PTDSS1: variants seen among roughly 807,000 people sequenced by gnomAD.
PTDSS1 encodes phosphatidylserine synthase 1.
Under a neutral mutation model 70.5 loss-of-function variants are expected in PTDSS1, and 45 were observed. That is an observed-to-expected ratio of 0.64 (90% CI 0.50 to 0.82). The LOEUF is 0.82. PTDSS1 is among the 40% of genes least tolerant of loss of function. PTDSS1 has a pLI of 0.00. For synonymous variants in PTDSS1, 188 were observed against 203.8 expected, an observed-to-expected ratio of 0.92 and a Z score of 0.66; for missense variants, 417 against 586.1, an observed-to-expected ratio of 0.71 and a Z score of 2.98.
At chr8:96,332,869 G>C (rs532757091) in intron 12 of PTDSS1, among the ~76,000 whole-genome samples, 1 of 152,200 alleles carries the variant, frequency 6.6e-6, no homozygotes, top group South Asian at 2.1e-4. Flanking sequence ...TGGCTTGGCC[G>C]CTAGGCCAGG....
At chr8:96,315,056 A>G (rs1389145539) in intron 9 of PTDSS1, among the ~76,000 whole-genome samples, 2 of 152,182 alleles carry the variant, frequency 1.3e-5, no homozygotes, top group Non-Finnish European at 1.5e-5. Context: ...TGGAAGTTAG[A>G]AAGTTGACAG....
chr8:96,314,465 A>G (rs1586204739), intron 9 of PTDSS1, among the ~76,000 whole-genome samples: 1 of 152,094 alleles, frequency 6.6e-6, no homozygotes, highest in South Asian at 2.1e-4. Flanking sequence ...CAGGGGAGTC[A>G]CCGCCGTCCT....
intron 1 of PTDSS1, among the ~76,000 whole-genome samples, chr8:96,270,564 C>T (rs968274429): frequency 1.3e-5 from 2 of 152,156 alleles, no homozygotes; most frequent in Non-Finnish European, 2.9e-5. Flanking sequence ...ACCCTCTCTG[C>T]TCTCGAAACT....
chr8:96,317,071 G>GTGTATA (rs33916906), intron 9 of PTDSS1, among the ~76,000 whole-genome samples: 8 of 148,618 alleles, frequency 5.4e-5, no homozygotes, highest in Admixed American at 2.7e-4. Flanking sequence ...GTGTGTGTGT[G>GTGTATA]TATATATATA....
intron 7 of PTDSS1, among the ~76,000 whole-genome samples, chr8:96,305,598 C>T (rs1227962110): frequency 6.6e-6 from 1 of 152,248 alleles, no homozygotes; most frequent in African/African-American, 2.4e-5. Flanking sequence ...CTTTTAAGGA[C>T]TGCCTTTGGT....
intron 10 of PTDSS1, among the ~76,000 whole-genome samples, chr8:96,328,259 C>A (rs866417379): frequency 2.0e-5 from 3 of 152,326 alleles, no homozygotes; most frequent in Middle Eastern, 6.8e-3. Flanking sequence ...CTAACCCCCC[C>A]AGTCCGCTGT....
intron 4 of PTDSS1, among the ~76,000 whole-genome samples, chr8:96,293,654 G>T (rs971099810): frequency 6.6e-6 from 1 of 152,226 alleles, no homozygotes. Flanking sequence ...AGACGGATTG[G>T]TCTTTATGAT....
intron 7 of PTDSS1, among the ~76,000 whole-genome samples, chr8:96,304,953 T>C (rs883655): frequency 0.085 from 13,010 of 152,300 alleles, 646 homozygotes; most frequent in African/African-American, 0.13. Flanking sequence ...TTAGGACAGA[T>C]GATCTTCCTT....
Position 96,334,101 on chromosome 8 carries a change from G to A in PTDSS1, c.*535G>A, listed in dbSNP as rs1262991542. ...TTAACAGCCTTTAGAAGCCGCTGCT[G>A]AAATTGATACTGGGGGAAGGGTTCC... is the stretch of plus-strand genomic sequence containing the variant. On this transcript the variant is annotated 3_prime_UTR_variant, in exon 13 of 13. Transcript: ENST00000517309. 2 of 339,354 alleles carry A rather than the reference G, an allele frequency of 5.9e-6. No homozygotes were observed. The highest frequency in any genetic ancestry group is 4.3e-5 in the African/African-American group (2 of 46,828). 21.0% of individuals were successfully genotyped at this position (339,354 alleles called of 1,614,324 possible).
chr8:96,270,261 T>C (rs1034571694), intron 1 of PTDSS1, among the ~76,000 whole-genome samples: 2 of 152,172 alleles, frequency 1.3e-5, no homozygotes, highest in African/African-American at 4.8e-5. Context: ...TAGAATATAG[T>C]GGCTGTCCAT....
At position 96,291,833 on chromosome 8, in the gene PTDSS1, TGCTTCATAG is replaced by T. The variant is rs763436667; in HGVS notation, c.442-3264_442-3256del. On this transcript the variant is annotated intron_variant, in intron 4 of 12. Coordinates refer to ENST00000517309, the MANE Select transcript of PTDSS1 (RefSeq NM_014754.3). Reference sequence around the variant, plus strand: ...TCCAGATCAGTTTTTATAGTGGGACTGCTTCATAGCTGGTGCTGCGTATCACACTAGGAG... The same window carrying T: ...TCCAGATCAGTTTTTATAGTGGGACTCTGGTGCTGCGTATCACACTAGGAG... Among the ~76,000 whole-genome samples, 189 of 152,338 alleles carry T rather than the reference TGCTTCATAG, an allele frequency of 1.2e-3. 1 individual carries two copies. Among genetic ancestry groups the T allele is most frequent in the Non-Finnish European group, 2.3e-3 (156 of 68,038 alleles).
rs1360507760 is a variant in PTDSS1 at position 96,336,243 on chromosome 8, G to A, written c.*2677G>A. 1 of 151,962 alleles carries A rather than the reference G, an allele frequency of 6.6e-6. No homozygotes were observed. Among genetic ancestry groups the A allele is most frequent in the Non-Finnish European group, 1.5e-5 (1 of 68,048 alleles). The allele number at this position is 151,962 out of a possible 1,614,324, so 9.4% of individuals were successfully genotyped here. ...GCTCCTAAGGTGCTCACCCAACCCA[G>A]GAGAAAACAAAATTCATTACCAAAT... On this transcript the variant is annotated 3_prime_UTR_variant, in exon 13 of 13. Transcript: ENST00000517309.
chr8:96,277,123 ATT>A (rs2130021746), intron 2 of PTDSS1, among the ~76,000 whole-genome samples: 2 of 152,364 alleles, frequency 1.3e-5, no homozygotes, highest in South Asian at 4.1e-4. Flanking sequence ...GGATTGGGAC[ATT>A]AGTCAGCAAA....
chr8:96,309,994 C>T (rs555508795), intron 9 of PTDSS1, among the ~76,000 whole-genome samples: 9 of 151,966 alleles, frequency 5.9e-5, no homozygotes, highest in African/African-American at 2.2e-4. Context: ...GAAACCCTGT[C>T]TCTACTAAAA....
rs144997851 is a variant in PTDSS1, at chr8:96,330,237, T to C, written c.1198T>C (p.Tyr400His). The change falls in exon 11 of 13, where the codon TAC becomes CAC. Residue 400 changes from tyrosine to histidine, a missense_variant. Physicochemically the swap from Tyr to His is moderately conservative, Grantham distance 83. Around this residue, in one of 3 missense-constraint regions of PTDSS1, gnomAD observed 107 missense variants for 122.3 expected, o/e 0.88. Transcript: ENST00000517309. ...GGCTTTCACCACTTTCCTCTGTCTGTACGGCATGATTTGGTATGCAGAACA... is the reference window on the plus strand; with the variant it reads ...GGCTTTCACCACTTTCCTCTGTCTGCACGGCATGATTTGGTATGCAGAACA... ...CVAFTTFLCLYGMIWYAEHYG... is the reference protein window; with the variant it reads ...CVAFTTFLCLHGMIWYAEHYG... 4.8e-5 allele frequency: 78 copies of C among 1,613,356 alleles called. No homozygotes were observed. In the African/African-American group the frequency reaches 9.7e-4, roughly 20 times the overall value.
At chr8:96,330,592 TCC>T in intron 11 of PTDSS1, 1 of 423,742 alleles carries the variant, frequency 2.4e-6, no homozygotes, top group Middle Eastern at 6.9e-4. Flanking sequence ...CTGGGTTTTC[TCC>T]CCAGCTCTTG....
At chr8:96,278,961 A>G (rs1239857024) in intron 2 of PTDSS1, among the ~76,000 whole-genome samples, 1 of 144,632 alleles carries the variant, frequency 6.9e-6, no homozygotes, top group Non-Finnish European at 1.5e-5. Context: ...GAGAAACACC[A>G]TTCAGCCCCC....
intron 2 of PTDSS1, 124 bp from the exon 3 acceptor site, chr8:96,283,985 A>C (rs938852143): frequency 1.3e-6 from 1 of 752,252 alleles, no homozygotes; most frequent in African/African-American, 1.8e-5. Flanking sequence ...TAGAAAAAAA[A>C]AAAAAACTTT....
intron 8 of PTDSS1, chr8:96,309,193 G>GTTTTTTTTTT (rs58317308): frequency 1.8e-5 from 1 of 56,872 alleles, no homozygotes; most frequent in Non-Finnish European, 2.9e-5. Context: ...CTTTTTAGTG[G>GTTTTTTTTTT]TTTTTTTTTT....
Sources: allele counts gnomAD v4.1 joint callset (sites outside exome capture counted in the v4.1 genomes callset), GRCh38; gene constraint gnomAD v4.1.1; regional missense constraint gnomAD v4.1.1; transcripts MANE v1.5; gene names NCBI Gene and HGNC (gene_info 2026-07-23, HGNC 2026-07-21).